The following ATP8B2 variants were observed in gnomAD, a reference collection of about 807,000 sequenced individuals.
ATP8B2 encodes phospholipid-transporting ATPase ID.
ATP8B2 carries 70 observed loss-of-function variants against 133.4 expected under a neutral mutation model. The ratio of observed to expected loss-of-function variants is 0.52; its 90% CI spans 0.43 to 0.64. The LOEUF is 0.64. ATP8B2 is among the 30% of genes least tolerant of loss of function. ATP8B2 has a pLI of 0.00. For synonymous variants in ATP8B2, 517 were observed against 589.5 expected (o/e 0.88, Z 1.78); for missense variants, 1,101 against 1,535.7 (o/e 0.72, Z 4.73).
intron 12 of ATP8B2, 148 bp downstream of exon 12, chr1:154,337,692 T>C (rs1686236772): frequency 6.4e-7 from 1 of 1,572,766 alleles, no homozygotes. Context: ...TGTTTATCTT[T>C]GTGGGCAGAG....
Position 154,346,792 on chromosome 1 carries a change from A to AATCACAGCTGTTCTGGGACT in ATP8B2, c.3163+36_3163+55dup. On this transcript the variant is annotated intron_variant, in intron 26 of 27. Coordinates refer to ENST00000368489, the MANE Select transcript of ATP8B2 (RefSeq NM_001370597.1). The surrounding 1 kb of genome is among the most constrained non-coding windows in gnomAD (Gnocchi z 4.5). ...CCGTGGCCTCCTTGAATCGGTGAGG[A>AATCACAGCTGTTCTGGGACT]ATCACAGCTGTTCTGGGACTAACAG... 6.2e-7 allele frequency: 1 copy of AATCACAGCTGTTCTGGGACT among 1,611,742 alleles called. No individual in the cohort carries two copies. The highest frequency in any genetic ancestry group is 1.1e-5 in the South Asian group (1 of 90,896).
At chr1:154,342,767 T>C (rs1220286554) in intron 14 of ATP8B2, 29 bp from the exon 15 acceptor site, 1 of 1,610,204 alleles carries the variant, frequency 6.2e-7, no homozygotes, top group African/African-American at 1.3e-5. Context: ...CACTCTAGCC[T>C]TTCCTAAGAG....
chr1:154,345,915 C>A lies in ATP8B2; in HGVS notation c.2778+32C>A, dbSNP rs373371438. The A allele has an allele frequency of 6.4e-6, 10 of 1,553,208 alleles. No individual in the cohort carries two copies. The highest frequency in any genetic ancestry group is 3.3e-5 in the Admixed American group (2 of 59,786). On this transcript the variant is annotated intron_variant, in intron 24 of 27. Transcript: ENST00000368489. This position sits in a 1 kb window ranked among gnomAD's most constrained non-coding sequence, Gnocchi z 5.6. ...GGGAGTTTGATGATCAGATGGGATG[C>A]GGGGAAGGTCACTGCTTGAAGGAGT...
rs1217292100 is a variant in ATP8B2, at chr1:154,343,137, C to T, written c.1478C>T (p.Ser493Phe). ...GGAGAGCTGTACTACAAAGCTCAGTCCCCAGATGAGGGGGCCCTGGTCACC... is the reference window on the plus strand; with the variant it reads ...GGAGAGCTGTACTACAAAGCTCAGTTCCCAGATGAGGGGGCCCTGGTCACC... ...NEGELYYKAQ[S>F]PDEGALVTAA... is the part of the protein sequence containing the mutation. Residue 493 changes from serine (S) to phenylalanine (F), a missense_variant, in exon 16 of 28, where the codon TCC (serine) becomes TTC (phenylalanine). Coordinates refer to ENST00000368489, the MANE Select transcript of ATP8B2 (RefSeq NM_001370597.1). The surrounding 1 kb of genome is among the most constrained non-coding windows in gnomAD (Gnocchi z 5.8). The T allele has an allele frequency of 3.7e-6, 6 of 1,613,910 alleles. No individual in the cohort carries two copies. The highest frequency in any genetic ancestry group is 2.7e-5 in the African/African-American group (2 of 74,902).
In ATP8B2 at chr1:154,331,057, C is replaced by T; in HGVS notation, c.214C>T (p.Gln72Ter). ...TCTTTCTTTTTTTCAGTTGATCCCC[C>T]AGATCTCTTCCCTGTCCTGGTTCAC... ...LFLLILQLIP[Q>*]ISSLSWFTTI... Residue 72 changes from glutamine to a stop codon, truncating the protein, a stop_gained, in exon 5 of 28, where the codon CAG (glutamine) becomes TAG (stop). Coordinates refer to ENST00000368489, the MANE Select transcript of ATP8B2 (RefSeq NM_001370597.1). LOFTEE classifies it high-confidence loss of function. The surrounding 1 kb of genome is among the most constrained non-coding windows in gnomAD (Gnocchi z 4.8). The T allele has an allele frequency of 6.2e-7, 1 of 1,613,978 alleles. No homozygotes were observed. Among genetic ancestry groups the T allele is most frequent in the South Asian group, 1.1e-5 (1 of 91,078 alleles).
rs1008692475 is a variant in ATP8B2, at chr1:154,325,538, C to G, written c.-202C>G. 1 of 151,958 alleles carries G rather than the reference C, an allele frequency of 6.6e-6. No individual in the cohort carries two copies. The highest frequency in any genetic ancestry group is 2.4e-5 in the African/African-American group (1 of 41,430). 9.4% of individuals were successfully genotyped at this position (151,958 alleles called of 1,614,324 possible). A position where few individuals can be genotyped will look rare whatever the true frequency, so the allele number is the denominator to read the frequency against. On this transcript the variant is annotated 5_prime_UTR_variant, in exon 1 of 28. Coordinates refer to ENST00000368489, the MANE Select transcript of ATP8B2 (RefSeq NM_001370597.1). ...GCCGGCTCCGTCACTTCCGCCCCGC[C>G]GTGGCCGAAACTGACACAAAGTAGC...
Position 154,344,094 on chromosome 1 carries a change from G to A in ATP8B2, c.1923+37G>A. On this transcript the variant is annotated intron_variant, in intron 18 of 27. Coordinates refer to ENST00000368489, the MANE Select transcript of ATP8B2 (RefSeq NM_001370597.1). The surrounding 1 kb of genome is among the most constrained non-coding windows in gnomAD (Gnocchi z 4.1). ...GGGACGGGCCAAGGATGGGCACGGA[G>A]GGCTCATGCCTGCAATTCTTGTGCC... is the stretch of plus-strand genomic sequence containing the variant. 1 of 1,614,210 alleles carries A rather than the reference G, an allele frequency of 6.2e-7. No individual in the cohort carries two copies. Among genetic ancestry groups the A allele is most frequent in the Non-Finnish European group, 8.5e-7 (1 of 1,180,016 alleles).
rs370012622 is a variant in ATP8B2 at position 154,336,794 on chromosome 1, C to CT, written c.838-536dup. ...ATAGGTGTGAGTCACTGCACCTGGC[C>CT]TTTTTTTTTTTTTTTTTTGAGACAG... On this transcript the variant is annotated intron_variant, in intron 11 of 27. Coordinates refer to ENST00000368489, the MANE Select transcript of ATP8B2 (RefSeq NM_001370597.1). Among the ~76,000 whole-genome samples the CT allele has an allele frequency of 7.6e-3, 959 of 126,424 alleles. 16 individuals carry two copies. The highest frequency in any genetic ancestry group is 0.023 in the African/African-American group (776 of 33,506). The allele number at this position is 126,424 out of a possible 152,430, so 82.9% of individuals were successfully genotyped here.
rs1364114930 is a variant in ATP8B2 at position 154,344,762 on chromosome 1, C to T, written c.2263C>T (p.Leu755=). ...VLEAVAGEYA[L]VINGHSLAHA... Reference sequence around the variant, plus strand: ...GGAGGCCGTTGCTGGGGAGTACGCCCTGGTCATAAATGGTCACAGCCTGGT... The same window carrying T: ...GGAGGCCGTTGCTGGGGAGTACGCCTTGGTCATAAATGGTCACAGCCTGGT... The change falls in exon 21 of 28, where the codon CTG becomes TTG. Residue 755 remains leucine, a synonymous_variant. Coordinates refer to ENST00000368489, the MANE Select transcript of ATP8B2 (RefSeq NM_001370597.1). The surrounding 1 kb of genome is among the most constrained non-coding windows in gnomAD (Gnocchi z 4.1). The T allele has an allele frequency of 1.2e-6, 2 of 1,604,588 alleles. No individual in the cohort carries two copies. The highest frequency in any genetic ancestry group is 1.1e-5 in the South Asian group (1 of 90,850).
chr1:154,345,668 C>G lies in ATP8B2; in HGVS notation c.2694+123C>G. On this transcript the variant is annotated intron_variant, in intron 23 of 27. Transcript: ENST00000368489. The surrounding 1 kb of genome is among the most constrained non-coding windows in gnomAD (Gnocchi z 5.6). ...TTCTGGTACATACTCTTAAAAAATG[C>G]TTATTAAAGGAGGAGAGAAGGAGCC... is the stretch of plus-strand genomic sequence containing the variant. 1.5e-6 allele frequency: 2 copies of G among 1,306,910 alleles called. No homozygotes were observed. Among genetic ancestry groups the G allele is most frequent in the Admixed American group, 3.9e-5 (2 of 51,680 alleles). The allele number at this position is 1,306,910 out of a possible 1,614,324, so 81.0% of individuals were successfully genotyped here.
In ATP8B2 at chr1:154,331,714, C is replaced by T; in HGVS notation, c.438+36C>T. On this transcript the variant is annotated intron_variant, in intron 7 of 27. Coordinates refer to ENST00000368489, the MANE Select transcript of ATP8B2 (RefSeq NM_001370597.1). The surrounding 1 kb of genome is among the most constrained non-coding windows in gnomAD (Gnocchi z 4.8). ...GGGTACCCCTCTAGGCCTGTAGGTT[C>T]TTCCTCTTCTTTGTGAGAAAAGGAT... 3.2e-6 allele frequency: 5 copies of T among 1,582,900 alleles called. No individual in the cohort carries two copies. Among genetic ancestry groups the T allele is most frequent in the Non-Finnish European group, 4.3e-6 (5 of 1,151,630 alleles).
At position 154,331,405 on chromosome 1, in the gene ATP8B2, G is replaced by A. The variant is rs373704347; in HGVS notation, c.304-39G>A. 35 of 1,599,844 alleles carry A rather than the reference G, an allele frequency of 2.2e-5. No individual in the cohort carries two copies. The highest frequency in any genetic ancestry group is 1.2e-4 in the South Asian group (11 of 90,710). On this transcript the variant is annotated intron_variant, in intron 5 of 27. Coordinates refer to ENST00000368489, the MANE Select transcript of ATP8B2 (RefSeq NM_001370597.1). The surrounding 1 kb of genome is among the most constrained non-coding windows in gnomAD (Gnocchi z 4.8). ...ACTGATCAACGAATTCCTTCGAGGC[G>A]GGGGAAGGTGTCTTACCTTTCAGTT...
chr1:154,337,708 T>A, intron 12 of ATP8B2, 164 bp downstream of exon 12: 2 of 1,552,886 alleles, frequency 1.3e-6, no homozygotes, highest in Non-Finnish European at 1.7e-6. Context: ...CAGAGCAAAC[T>A]TTTTACCACA....
chr1:154,340,750 C>T lies in ATP8B2; in HGVS notation c.1035-104C>T. 7.3e-6 allele frequency: 8 copies of T among 1,098,586 alleles called. No individual in the cohort carries two copies. Among genetic ancestry groups the T allele is most frequent in the East Asian group, 2.4e-5 (1 of 42,126 alleles). The allele number at this position is 1,098,586 out of a possible 1,614,324, so 68.1% of individuals were successfully genotyped here. A position where few individuals can be genotyped will look rare whatever the true frequency, so the allele number is the denominator to read the frequency against. ...GGTTTCTGTGCCCAGGTGTCTTCTC[C>T]GTTCTTGTCTCTCCCCAGGCGGAGG... On this transcript the variant is annotated intron_variant, in intron 12 of 27. Coordinates refer to ENST00000368489, the MANE Select transcript of ATP8B2 (RefSeq NM_001370597.1). This position sits in a 1 kb window ranked among gnomAD's most constrained non-coding sequence, Gnocchi z 4.0.
At chr1:154,335,627 G>T (rs1035154054) in intron 11 of ATP8B2, among the ~76,000 whole-genome samples, 1 of 152,048 alleles carries the variant, frequency 6.6e-6, no homozygotes, top group African/African-American at 2.4e-5. Flanking sequence ...GGAGATTGAG[G>T]CTGCGTTGAG....
rs2149173368 is a variant in ATP8B2, at chr1:154,343,838, G to A, written c.1759-55G>A. On this transcript the variant is annotated intron_variant, in intron 17 of 27. Coordinates refer to ENST00000368489, the MANE Select transcript of ATP8B2 (RefSeq NM_001370597.1). The surrounding 1 kb of genome is among the most constrained non-coding windows in gnomAD (Gnocchi z 5.8). ...CAGGATTATTCATTGTCGCCCTCAC[G>A]CTGTCCATTAGCTCTCCAGACTTAC... 1.3e-5 allele frequency: 20 copies of A among 1,548,544 alleles called. No homozygotes were observed. Among genetic ancestry groups the A allele is most frequent in the East Asian group, 2.3e-5 (1 of 44,362 alleles).
chr1:154,344,991 C>T lies in ATP8B2; in HGVS notation c.2307C>T (p.Asp769=), dbSNP rs1686532387. 6.2e-7 allele frequency: 1 copy of T among 1,613,428 alleles called. No homozygotes were observed. Among genetic ancestry groups the T allele is most frequent in the Admixed American group, 1.7e-5 (1 of 59,938 alleles). ...TCCAGGCCCACGCACTGGAGGCAGACATGGAGCTGGAGTTTCTGGAGACAG... is the reference window on the plus strand; with the variant it reads ...TCCAGGCCCACGCACTGGAGGCAGATATGGAGCTGGAGTTTCTGGAGACAG... ...GHSLAHALEA[D]MELEFLETAC... Residue 769 remains aspartate, a synonymous_variant, in exon 22 of 28, where the codon GAC becomes GAT. Transcript: ENST00000368489. The surrounding 1 kb of genome is among the most constrained non-coding windows in gnomAD (Gnocchi z 4.1).
chr1:154,349,299 A>T lies in ATP8B2; in HGVS notation c.*181A>T. 1.1e-6 allele frequency: 1 copy of T among 875,622 alleles called. No homozygotes were observed. Among genetic ancestry groups the T allele is most frequent in the Non-Finnish European group, 1.7e-6 (1 of 588,096 alleles). 54.2% of individuals were successfully genotyped at this position (875,622 alleles called of 1,614,324 possible). A position where few individuals can be genotyped will look rare whatever the true frequency, so the allele number is the denominator to read the frequency against. On this transcript the variant is annotated 3_prime_UTR_variant, in exon 28 of 28. Transcript: ENST00000368489. ...TCTGTTCCCAGCTGTAGGCCCTTCCACCAGCTGGGGAGCTAGAGGGAGCAG... is the reference window on the plus strand; with the variant it reads ...TCTGTTCCCAGCTGTAGGCCCTTCCTCCAGCTGGGGAGCTAGAGGGAGCAG...
In ATP8B2 at chr1:154,346,028, C is replaced by A; in HGVS notation, c.2778+145C>A. On this transcript the variant is annotated intron_variant, in intron 24 of 27. Transcript: ENST00000368489. The surrounding 1 kb of genome is among the most constrained non-coding windows in gnomAD (Gnocchi z 4.5). ...TCAGCCGGGGAAGGTGTGGCTGGTT[C>A]TCCCTCCTGGCTGCAGCTGATCTAG... 9.2e-7 allele frequency: 1 copy of A among 1,087,166 alleles called. No individual in the cohort carries two copies. The highest frequency in any genetic ancestry group is 1.4e-5 in the South Asian group (1 of 69,232). The allele number at this position is 1,087,166 out of a possible 1,614,324, so 67.3% of individuals were successfully genotyped here.
Sources: gnomAD v4.1 joint callset for allele counts (sites outside exome capture counted in the v4.1 genomes callset) on GRCh38, gnomAD v4.1.1 for gene constraint, Gnocchi (gnomAD v3.1) non-coding constraint, MANE v1.5 for transcripts, NCBI Gene and HGNC (gene_info 2026-07-23, HGNC 2026-07-21) for gene names.